Variants in RCC1L observed in about 807,000 individuals in gnomAD.
RCC1L encodes RCC1-like G exchanging factor-like protein.
In RCC1L, 46 loss-of-function variants were observed where a neutral mutation model predicts 58.6. That is an observed-to-expected ratio of 0.79 (90% confidence interval 0.62 to 1.00). The LOEUF is 1.00. Among genes scored for constraint, RCC1L ranks in the 50% least tolerant of loss-of-function variants. The pLI is 0.00. For synonymous variants in RCC1L, 281 were observed against 262.9 expected (o/e 1.07, Z -0.67); for missense variants, 636 against 623.6 (o/e 1.02, Z -0.21).
intron 10 of RCC1L, among the ~76,000 whole-genome samples, chr7:75,030,909 C>T (rs1805284565): frequency 6.6e-6 from 1 of 152,160 alleles, no homozygotes; most frequent in African/African-American, 2.4e-5. Context: ...TACTGGGGCT[C>T]ATTCTGGAAG....
At chr7:75,038,669 G>A (rs886504560), downstream of RCC1L, among the ~76,000 whole-genome samples, 20 of 152,090 alleles carry the variant, frequency 1.3e-4, no homozygotes, top group Non-Finnish European at 2.4e-4. Context: ...CAGCCTGTGA[G>A]CTGGGGCTAA....
downstream of RCC1L, among the ~76,000 whole-genome samples, chr7:75,040,725 T>C (rs1805535731): frequency 6.6e-6 from 1 of 152,118 alleles, no homozygotes; most frequent in Non-Finnish European, 1.5e-5. Context: ...CCAGCCCCAG[T>C]AACGGTTTCA....
rs928832960 is a variant in RCC1L at position 75,043,000 on chromosome 7, G to A, written c.*32C>T. 40 of 1,613,848 alleles carry A rather than the reference G, an allele frequency of 2.5e-5. No homozygotes were observed. The highest frequency in any genetic ancestry group is 1.6e-4 in the African/African-American group (12 of 74,944). On this transcript the variant is annotated 3_prime_UTR_variant, in exon 11 of 11. Coordinates refer to ENST00000610322, the MANE Select transcript of RCC1L (RefSeq NM_030798.5). ...CTGCCAAGGAGTGCCAGTGGTTCCC[G>A]GGACGGGGCCGCCCAAGCAGGTGAG...
chr7:75,064,855 C>G, intron 3 of RCC1L: 1 of 618,432 alleles, frequency 1.6e-6, no homozygotes, highest in Non-Finnish European at 3.0e-6. Context: ...CCCCTCCTGG[C>G]CCTAGATCCA....
At chr7:75,027,305 C>T (rs975679910) in exon 11 of RCC1L, 3 of 152,632 alleles carry the variant, frequency 2.0e-5, no homozygotes, top group Non-Finnish European at 2.9e-5. Flanking sequence ...CCCACTTTCC[C>T]CAGGCAAGAT....
intron 3 of RCC1L, among the ~76,000 whole-genome samples, chr7:75,065,166 G>A (rs1320441685): frequency 5.3e-5 from 8 of 149,688 alleles, no homozygotes; most frequent in African/African-American, 1.5e-4. Flanking sequence ...TTGCATTTTC[G>A]ACATTAACGT....
At chr7:75,043,512 A>G (rs1805627324) in intron 10 of RCC1L, among the ~76,000 whole-genome samples, 1 of 152,146 alleles carries the variant, frequency 6.6e-6, no homozygotes, top group African/African-American at 2.4e-5. Context: ...ACTAGGCTCC[A>G]TGCCCCCAGG....
At chr7:75,066,977 C>G (rs1467560489) in intron 2 of RCC1L, among the ~76,000 whole-genome samples, 185 bp from the exon 3 acceptor site, 5 of 152,150 alleles carry the variant, frequency 3.3e-5, no homozygotes, top group Non-Finnish European at 5.9e-5. Context: ...TGGGCTGTCT[C>G]TATTACATAA....
chr7:75,067,829 G>A (rs947739831), intron 2 of RCC1L, among the ~76,000 whole-genome samples: 1 of 151,538 alleles, frequency 6.6e-6, no homozygotes, highest in Non-Finnish European at 1.5e-5. Flanking sequence ...TGGGTGACAG[G>A]GCAAGACCCT....
intron 8 of RCC1L, among the ~76,000 whole-genome samples, chr7:75,056,998 T>C (rs1454797916): frequency 6.6e-6 from 1 of 152,108 alleles, no homozygotes; most frequent in African/African-American, 2.4e-5. Flanking sequence ...TTTCTTTTTC[T>C]ATTGAGACAG....
chr7:75,073,597 C>G lies in RCC1L; in HGVS notation c.141G>C (p.Val47=). The change falls in exon 1 of 11, where the codon GTG becomes GTC. Residue 47 remains valine (V), a synonymous_variant. Coordinates refer to ENST00000610322, the MANE Select transcript of RCC1L (RefSeq NM_030798.5). ...CAGCGCGCTCGCCCACGTACTGGAC[C>G]ACGGGCACCTCCGCCTCGGCTTCTG... ...EAAEAEAEVP[V]VQYVGERAAR... is the part of the protein sequence containing the mutation. 1 of 1,531,006 alleles carries G rather than the reference C, an allele frequency of 6.5e-7. No homozygotes were observed. The highest frequency in any genetic ancestry group is 8.7e-7 in the Non-Finnish European group (1 of 1,149,952). 94.8% of individuals were successfully genotyped at this position (1,531,006 alleles called of 1,614,324 possible).
chr7:75,063,364 G>A (rs1584501153), intron 4 of RCC1L, 21 bp from the exon 5 acceptor site: 4 of 1,613,540 alleles, frequency 2.5e-6, no homozygotes, highest in Non-Finnish European at 3.4e-6. Flanking sequence ...GAACAAATTG[G>A]GAAGAAGCAA....
chr7:75,043,323 G>A (rs1040006130), intron 10 of RCC1L, among the ~76,000 whole-genome samples: 2 of 152,202 alleles, frequency 1.3e-5, no homozygotes, highest in Non-Finnish European at 2.9e-5. Flanking sequence ...TCCCCAGCAG[G>A]TCCATCAGGA....
At chr7:75,028,145 T>C in intron 10 of RCC1L, 3 of 1,353,082 alleles carry the variant, frequency 2.2e-6, no homozygotes, top group Non-Finnish European at 2.9e-6. Context: ...TGAGACGGAG[T>C]CTTGCTCTGT....
intron 10 of RCC1L, among the ~76,000 whole-genome samples, chr7:75,047,803 C>A (rs978232416): frequency 0.12 from 17,801 of 151,184 alleles, 3,229 homozygotes; most frequent in African/African-American, 0.39. Flanking sequence ...TGCACCCCCA[C>A]GCCTGGCTAA....
At chr7:75,034,168 A>G (rs1294398749) in intron 10 of RCC1L, among the ~76,000 whole-genome samples, 3 of 152,194 alleles carry the variant, frequency 2.0e-5, no homozygotes, top group African/African-American at 7.2e-5. Flanking sequence ...TAAAGAAGGA[A>G]TGCGGTAGAA....
chr7:75,070,934 C>G (rs587740767), intron 1 of RCC1L, among the ~76,000 whole-genome samples, 165 bp from the exon 2 acceptor site: 119 of 152,148 alleles, frequency 7.8e-4, no homozygotes, highest in African/African-American at 2.8e-3. Flanking sequence ...AGTGCAGTGG[C>G]GCAATCTCGG....
chr7:75,067,028 G>A lies in RCC1L; in HGVS notation c.455-236C>T, dbSNP rs376268406. 2.2e-4 allele frequency among the ~76,000 whole-genome samples: 33 copies of A among 152,276 alleles called. No individual in the cohort carries two copies. In the East Asian group the frequency reaches 3.1e-3, roughly 14 times the overall value. On this transcript the variant is annotated intron_variant, in intron 2 of 10. Transcript: ENST00000610322. The stretch of plus-strand genomic sequence containing the variant: ...AGCATACTTGGTCTTCTGGCTGGGC[G>A]CAGTGGCTCATGCCTGTAATCCCAG...
Position 75,073,796 on chromosome 7 carries a change from C to G in RCC1L, c.-59G>C. On this transcript the variant is annotated 5_prime_UTR_variant, in exon 1 of 11. Transcript: ENST00000610322. ...CGCCATCTTGCGTGACCCTTAACAC[C>G]AGTCCTCGCCGGAAGAGGCTACGGC... The G allele has an allele frequency of 6.7e-7, 1 of 1,499,744 alleles. No homozygotes were observed. Among genetic ancestry groups the G allele is most frequent in the Non-Finnish European group, 8.8e-7 (1 of 1,130,160 alleles). 92.9% of individuals were successfully genotyped at this position (1,499,744 alleles called of 1,614,324 possible).
Sources: allele counts gnomAD v4.1 joint callset (sites outside exome capture counted in the v4.1 genomes callset), GRCh38; gene constraint gnomAD v4.1.1; transcripts MANE v1.5; gene names NCBI Gene and HGNC (gene_info 2026-07-23, HGNC 2026-07-21).